Variants in VPS13A observed in about 807,000 individuals in gnomAD.
The protein encoded by VPS13A is vacuolar protein sorting 13 homolog A.
A neutral mutation model predicts 390.9 loss-of-function variants in VPS13A; 264 were observed. The observed-to-expected ratio is 0.68, with a 90% CI of 0.61 to 0.75. The LOEUF (loss-of-function observed/expected upper bound fraction) is 0.75, where lower values mean the gene tolerates loss of function less well. VPS13A is among the 30% of genes least tolerant of loss of function. The pLI is 0.00. For missense variants in VPS13A, 3,409 were observed against 3,733.9 expected (o/e 0.91, Z 2.27); for synonymous variants, 1,231 against 1,227.1 (o/e 1.00, Z -0.07).
chr9:77,311,263 G>T (rs1165312008), intron 35 of VPS13A, among the ~76,000 whole-genome samples: 1 of 151,980 alleles, frequency 6.6e-6, no homozygotes, highest in Non-Finnish European at 1.5e-5. Flanking sequence ...CTTTGTTACT[G>T]CCCACACTCT....
At chr9:77,190,790 T>G (rs1470327205) in intron 1 of VPS13A, among the ~76,000 whole-genome samples, 1 of 152,218 alleles carries the variant, frequency 6.6e-6, no homozygotes, top group Non-Finnish European at 1.5e-5. Flanking sequence ...TTCTTCCAGG[T>G]TCAATCTTGG....
Position 77,340,496 on chromosome 9 carries a change from T to C in VPS13A, c.6972T>C (p.His2324=). The part of the protein sequence containing the change: ...FYMIKNKSKY[H]ISVAEEGNDK... ...TGATTAAAAACAAAAGCAAATACCA[T>C]ATATCAGTGGCTGAAGAAGGAAATG... is the stretch of plus-strand genomic sequence containing the variant. The change falls in exon 50 of 72, where the codon CAT becomes CAC. Residue 2324 remains histidine, a synonymous_variant. Coordinates refer to ENST00000360280, the MANE Select transcript of VPS13A (RefSeq NM_033305.3). The C allele has an allele frequency of 6.2e-7, 1 of 1,613,316 alleles. No homozygotes were observed. Among genetic ancestry groups the C allele is most frequent in the South Asian group, 1.1e-5 (1 of 91,048 alleles).
At chr9:77,375,545 T>C (rs1470141034) in intron 67 of VPS13A, among the ~76,000 whole-genome samples, 3 of 152,146 alleles carry the variant, frequency 2.0e-5, no homozygotes, top group Admixed American at 6.6e-5. Flanking sequence ...TAGGTAATGA[T>C]AAAAAGAACT....
intron 35 of VPS13A, among the ~76,000 whole-genome samples, chr9:77,311,961 T>G (rs1487820755): frequency 6.6e-6 from 1 of 152,108 alleles, no homozygotes; most frequent in Non-Finnish European, 1.5e-5. Context: ...TTGAACTGAA[T>G]GATCATGAAA....
intron 23 of VPS13A, among the ~76,000 whole-genome samples, chr9:77,272,553 T>C (rs1184576053): frequency 6.6e-6 from 1 of 152,212 alleles, no homozygotes; most frequent in African/African-American, 2.4e-5. Context: ...ATTTAAACAT[T>C]GTTTTGTAAA....
chr9:77,279,966 G>A (rs1392621418), intron 26 of VPS13A, 193 bp from the exon 27 acceptor site: 5 of 450,772 alleles, frequency 1.1e-5, no homozygotes, highest in Non-Finnish European at 2.0e-5. Context: ...GGAGGTAAGG[G>A]AATTGTGAGG....
chr9:77,212,918 T>C (rs2131152219), intron 7 of VPS13A, 51 bp from the exon 8 acceptor site: 2 of 1,570,266 alleles, frequency 1.3e-6, no homozygotes, highest in East Asian at 2.2e-5. Flanking sequence ...ATTACTCTGC[T>C]GTTTCAAATG....
chr9:77,384,689 A>C (rs1833609269), intron 68 of VPS13A: 4 of 1,596,796 alleles, frequency 2.5e-6, no homozygotes, highest in Non-Finnish European at 3.4e-6. Context: ...ATTAAAATTC[A>C]TATGTTCTTT....
At chr9:77,246,072 C>G (rs1824789920) in intron 19 of VPS13A, among the ~76,000 whole-genome samples, 1 of 152,134 alleles carries the variant, frequency 6.6e-6, no homozygotes, top group Admixed American at 6.5e-5. Context: ...GACTCTGCCC[C>G]CATGACCCAG....
intron 69 of VPS13A, 30 bp from the exon 70 acceptor site, chr9:77,405,834 C>G (rs767703023): frequency 6.2e-7 from 1 of 1,610,800 alleles, no homozygotes; most frequent in Non-Finnish European, 8.5e-7. Context: ...AATTTTAAAG[C>G]GAATTCTTTT....
At chr9:77,377,230 T>TTA (rs58578750) in intron 67 of VPS13A, among the ~76,000 whole-genome samples, 1 of 131,706 alleles carries the variant, frequency 7.6e-6, no homozygotes, top group Admixed American at 7.6e-5. Flanking sequence ...TTTTTTTTTT[T>TTA]GAGACGGAGT....
chr9:77,394,789 T>G (rs1834056285), intron 68 of VPS13A, among the ~76,000 whole-genome samples: 1 of 152,206 alleles, frequency 6.6e-6, no homozygotes, highest in Non-Finnish European at 1.5e-5. Context: ...CTTCACCTTG[T>G]GCTTTTATGC....
chr9:77,238,685 T>C (rs1587394300), intron 19 of VPS13A, among the ~76,000 whole-genome samples: 1 of 152,198 alleles, frequency 6.6e-6, no homozygotes, highest in East Asian at 1.9e-4. Flanking sequence ...TTTCTTAGAA[T>C]GCGTTCCAGA....
intron 67 of VPS13A, among the ~76,000 whole-genome samples, chr9:77,381,127 A>G (rs933433423): frequency 3.9e-5 from 6 of 152,166 alleles, no homozygotes; most frequent in Admixed American, 3.3e-4. Flanking sequence ...ATTTAGCCGT[A>G]TGTGGTATGT....
chr9:77,348,588 A>C (rs11999529), intron 52 of VPS13A, among the ~76,000 whole-genome samples: 96 of 152,226 alleles, frequency 6.3e-4, no homozygotes, highest in African/African-American at 2.1e-3. Context: ...ACAAATCTGC[A>C]CGTTCTGCAC....
At chr9:77,253,861 C>T (rs1260052192) in intron 22 of VPS13A, among the ~76,000 whole-genome samples, 1 of 146,408 alleles carries the variant, frequency 6.8e-6, no homozygotes, top group Non-Finnish European at 1.5e-5. Flanking sequence ...ATAGTTTTAG[C>T]TTCTTTTATT....
intron 1 of VPS13A, among the ~76,000 whole-genome samples, chr9:77,185,099 G>T (rs1824252200): frequency 6.6e-6 from 1 of 151,972 alleles, no homozygotes; most frequent in Admixed American, 6.6e-5. Flanking sequence ...GAAGTGAGGG[G>T]CAGTCTTATG....
chr9:77,228,365 T>C, intron 17 of VPS13A, 101 bp downstream of exon 17: 1 of 1,176,158 alleles, frequency 8.5e-7, no homozygotes, highest in Non-Finnish European at 1.2e-6. Context: ...GCACTATAGT[T>C]TCATATATCC....
chr9:77,385,449 A>T (rs1833641933), intron 68 of VPS13A, among the ~76,000 whole-genome samples: 2 of 129,952 alleles, frequency 1.5e-5, no homozygotes, highest in East Asian at 4.4e-4. Context: ...TATTTCTATT[A>T]TGAATTCAGA....
Sources: allele counts gnomAD v4.1 joint callset (sites outside exome capture counted in the v4.1 genomes callset), GRCh38; gene constraint gnomAD v4.1.1; transcripts MANE v1.5; gene names NCBI Gene and HGNC (gene_info 2026-07-23, HGNC 2026-07-21).